The following IL1RAPL1 variants were observed in gnomAD, a reference collection of about 807,000 sequenced individuals.
IL1RAPL1 encodes the protein interleukin 1 receptor accessory protein like 1, also known as interleukin-1 receptor accessory protein-like 1.
In IL1RAPL1, 3 loss-of-function variants were observed where a neutral mutation model predicts 48.4. The ratio of observed to expected loss-of-function variants is 0.06; its 90% confidence interval spans 0.03 to 0.16. The LOEUF is 0.16. Ranked by LOEUF, IL1RAPL1 falls within the 10% of genes least tolerant of loss-of-function variation. IL1RAPL1 has a pLI of 1.00. For synonymous variants in IL1RAPL1, 185 were observed against 187.7 expected (o/e 0.99, Z 0.12); for missense variants, 349 against 530.6 (o/e 0.66, Z 3.36).
chrX:29,463,637 G>C (rs1460086772), intron 5 of IL1RAPL1, among the ~76,000 whole-genome samples: 1 of 111,980 alleles, frequency 8.9e-6, no homozygotes, highest in East Asian at 2.8e-4. Flanking sequence ...GAAGGCTTAA[G>C]TGAGATATTA....
At chrX:28,762,050 A>C (rs1412741328) in intron 1 of IL1RAPL1, among the ~76,000 whole-genome samples, 1 of 111,958 alleles carries the variant, frequency 8.9e-6, no homozygotes, top group Non-Finnish European at 1.9e-5. Context: ...CGCCTAACAG[A>C]TTGTGATACT....
chrX:29,319,440 G>C (rs1479569413), intron 3 of IL1RAPL1, among the ~76,000 whole-genome samples: 1 of 88,088 alleles, frequency 1.1e-5, no homozygotes, highest in Non-Finnish European at 2.1e-5. Flanking sequence ...CTGGGCTTAA[G>C]CAATCCTCCT....
intron 6 of IL1RAPL1, among the ~76,000 whole-genome samples, chrX:29,775,708 G>C (rs766538776): frequency 2.7e-5 from 3 of 111,747 alleles, no homozygotes; most frequent in Non-Finnish European, 5.7e-5. Context: ...TGTTTGAGCT[G>C]ACACCTGAAT....
At chrX:28,989,621 A>T (rs1162821146) in intron 2 of IL1RAPL1, among the ~76,000 whole-genome samples, 1 of 112,475 alleles carries the variant, frequency 8.9e-6, no homozygotes, top group Non-Finnish European at 1.9e-5. Context: ...TGTGACATTT[A>T]TATTTTGTGT....
chrX:28,806,977 A>C (rs775835185), intron 2 of IL1RAPL1, among the ~76,000 whole-genome samples: 11 of 111,002 alleles, frequency 9.9e-5, no homozygotes, highest in African/African-American at 3.6e-4. Flanking sequence ...TTTTTGTGCA[A>C]CTAGCTCTAA....
At chrX:29,467,938 G>A in intron 5 of IL1RAPL1, among the ~76,000 whole-genome samples, 1 of 111,570 alleles carries the variant, frequency 9.0e-6, no homozygotes. Flanking sequence ...TCCGCTCACT[G>A]CAACCTCTGC....
chrX:29,414,473 C>T (rs1339184606), intron 5 of IL1RAPL1, among the ~76,000 whole-genome samples: 1 of 111,312 alleles, frequency 9.0e-6, no homozygotes, highest in Non-Finnish European at 1.9e-5. Flanking sequence ...AAACCCATCA[C>T]TTTGGGAGGC....
chrX:28,979,891 A>G (rs935689880), intron 2 of IL1RAPL1, among the ~76,000 whole-genome samples: 5 of 112,265 alleles, frequency 4.5e-5, no homozygotes, highest in Non-Finnish European at 9.4e-5. Flanking sequence ...ACCACATGAA[A>G]TTGTAAATGA....
At chrX:29,635,808 A>C (rs777220969) in intron 5 of IL1RAPL1, among the ~76,000 whole-genome samples, 115 of 108,268 alleles carry the variant, frequency 1.1e-3, no homozygotes, top group East Asian at 7.6e-3. Context: ...AAAAAAAAAA[A>C]CCCAAAAACT....
At chrX:29,670,813 G>C (rs186064972) in intron 6 of IL1RAPL1, among the ~76,000 whole-genome samples, 1 of 112,043 alleles carries the variant, frequency 8.9e-6, no homozygotes, top group East Asian at 2.8e-4. Flanking sequence ...AATCCTAAGA[G>C]GGACTGAGTG....
At position 29,251,692 on chromosome X, in the gene IL1RAPL1, G is replaced by T. The variant is rs762549051; in HGVS notation, c.83-31246G>T. Among the ~76,000 whole-genome samples, 3 of 111,137 alleles carry T rather than the reference G, an allele frequency of 2.7e-5. No homozygotes were observed. The East Asian group carries it at 8.5e-4, about 32-fold the overall frequency. Reference sequence around the variant, plus strand: ...ACACAGAAAGTTGCAAAAACCTGAAGTAAAAGAATGTTTTGTGTTTAAGGG... The same window carrying T: ...ACACAGAAAGTTGCAAAAACCTGAATTAAAAGAATGTTTTGTGTTTAAGGG... On this transcript the variant is annotated intron_variant, in intron 2 of 10. Coordinates refer to ENST00000378993, the MANE Select transcript of IL1RAPL1 (RefSeq NM_014271.4).
At chrX:28,975,849 G>C (rs1438965266) in intron 2 of IL1RAPL1, among the ~76,000 whole-genome samples, 2 of 112,027 alleles carry the variant, frequency 1.8e-5, no homozygotes, top group African/African-American at 3.2e-5. Flanking sequence ...AGACTCTGCT[G>C]AATAGGTGAT....
At chrX:29,848,611 ATAT>A (rs759807000) in intron 6 of IL1RAPL1, among the ~76,000 whole-genome samples, 1 of 111,317 alleles carries the variant, frequency 9.0e-6, no homozygotes, top group African/African-American at 3.3e-5. Context: ...TTTGTATTTA[ATAT>A]TATTTTGTTG....
At chrX:29,315,157 TG>T (rs1932764328) in intron 3 of IL1RAPL1, among the ~76,000 whole-genome samples, 1 of 111,945 alleles carries the variant, frequency 8.9e-6, no homozygotes, top group Non-Finnish European at 1.9e-5. Flanking sequence ...ATTTCCATGC[TG>T]GGTTCCAGAT....
chrX:29,938,077 T>C (rs754824407), intron 8 of IL1RAPL1, among the ~76,000 whole-genome samples: 1 of 111,895 alleles, frequency 8.9e-6, no homozygotes, highest in Non-Finnish European at 1.9e-5. Context: ...AACAACACTA[T>C]TGATTGGCTA....
chrX:29,328,299 A>C (rs1932855504), intron 3 of IL1RAPL1, among the ~76,000 whole-genome samples: 1 of 111,852 alleles, frequency 8.9e-6, no homozygotes, highest in African/African-American at 3.2e-5. Context: ...AGGTGAAATA[A>C]AGTTAGAACA....
At chrX:29,653,369 CCTTT>C (rs1314839366) in intron 5 of IL1RAPL1, among the ~76,000 whole-genome samples, 5 of 110,857 alleles carry the variant, frequency 4.5e-5, no homozygotes, top group African/African-American at 1.6e-4. Flanking sequence ...TTTTTGTTTT[CCTTT>C]CTTTTGACAA....
At chrX:29,051,650 T>G (rs1335150494) in intron 2 of IL1RAPL1, among the ~76,000 whole-genome samples, 2 of 112,086 alleles carry the variant, frequency 1.8e-5, no homozygotes, top group East Asian at 5.6e-4. Context: ...GCTTTCCAAC[T>G]CTGAAATCCT....
At chrX:28,997,106 G>T (rs1360274446) in intron 2 of IL1RAPL1, among the ~76,000 whole-genome samples, 2 of 110,643 alleles carry the variant, frequency 1.8e-5, no homozygotes, top group Non-Finnish European at 3.8e-5. Context: ...AGTGCCTATT[G>T]GTTCAGGGTA....
Sources: gnomAD v4.1 joint callset for allele counts (sites outside exome capture counted in the v4.1 genomes callset) on GRCh38, gnomAD v4.1.1 for gene constraint, MANE v1.5 for transcripts, NCBI Gene and HGNC (gene_info 2026-07-23, HGNC 2026-07-21) for gene names.